Variants in PPP2R5C observed in about 807,000 individuals in gnomAD.
The protein encoded by PPP2R5C is serine/threonine-protein phosphatase 2A 56 kDa regulatory subunit gamma isoform.
Under a neutral mutation model 68.9 loss-of-function variants are expected in PPP2R5C, and 7 were observed. The observed-to-expected ratio is 0.10, with a 90% confidence interval of 0.06 to 0.19. PPP2R5C has a LOEUF of 0.19. Among genes scored for constraint, PPP2R5C ranks in the 10% least tolerant of loss-of-function variants. The pLI is 1.00. For synonymous variants in PPP2R5C, 210 were observed against 222.2 expected, an observed-to-expected ratio of 0.95 and a Z score of 0.49; for missense variants, 348 against 641.3, an observed-to-expected ratio of 0.54 and a Z score of 4.94.
chr14:101,871,249 G>T lies in PPP2R5C; in HGVS notation c.295-10912G>T, dbSNP rs1266163526. ...GGTTTTTGTTGTTGTTGTTGTTGTT[G>T]TTGTTGTTTTGAGACAGAGTCTCGC... On this transcript the variant is annotated intron_variant, in intron 2 of 13. Coordinates refer to ENST00000334743, the Ensembl canonical transcript of PPP2R5C. 2.0e-5 allele frequency among the ~76,000 whole-genome samples: 3 copies of T among 151,586 alleles called. No homozygotes were observed. In the East Asian group the frequency reaches 5.8e-4, roughly 29 times the overall value.
intron 1 of PPP2R5C, among the ~76,000 whole-genome samples, chr14:101,845,080 C>T (rs1215545103): frequency 6.6e-6 from 1 of 151,772 alleles, no homozygotes; most frequent in Non-Finnish European, 1.5e-5. Flanking sequence ...TAATGCTGTG[C>T]TGGATTTATA....
chr14:101,862,166 T>C (rs1241592356), intron 2 of PPP2R5C, among the ~76,000 whole-genome samples: 1 of 152,170 alleles, frequency 6.6e-6, no homozygotes, highest in Non-Finnish European at 1.5e-5. Context: ...TCCACACGCC[T>C]CAGCCTCCCA....
chr14:101,844,471 C>T (rs555000261), intron 1 of PPP2R5C, among the ~76,000 whole-genome samples: 16 of 152,290 alleles, frequency 1.1e-4, no homozygotes, highest in African/African-American at 2.9e-4. Flanking sequence ...CCGCAGGGCC[C>T]GGTAGGTCCT....
intron 2 of PPP2R5C, among the ~76,000 whole-genome samples, chr14:101,874,785 G>A (rs2043649862): frequency 6.6e-6 from 1 of 151,958 alleles, no homozygotes; most frequent in Non-Finnish European, 1.5e-5. Context: ...TGTCGCCCAG[G>A]CTGGAGTGCA....
intron 1 of PPP2R5C, chr14:101,843,770 A>T: frequency 4.5e-6 from 1 of 222,438 alleles, no homozygotes; most frequent in Non-Finnish European, 9.3e-6. Flanking sequence ...TTTTCTGTGG[A>T]ACCTTGCTGC....
chr14:101,842,088 G>T (rs2041511300), intron 1 of PPP2R5C, among the ~76,000 whole-genome samples: 1 of 152,160 alleles, frequency 6.6e-6, no homozygotes, highest in African/African-American at 2.4e-5. Flanking sequence ...AGACTTATGG[G>T]TAGAGAAGGG....
rs548844945 is a variant in PPP2R5C at position 101,818,643 on chromosome 14, A to T, written c.94+8607A>T. ...AGTGAGACTCTGTCTCAAAAAAAAA[A>T]AAAAAAGTGAGCAATATCTGTGGTT... On this transcript the variant is annotated intron_variant, in intron 1 of 13. Transcript: ENST00000334743. The T allele has an allele frequency of 1.7e-3, 323 of 195,160 alleles. 2 individuals carry two copies. The highest frequency in any genetic ancestry group is 2.7e-3 in the Non-Finnish European group (245 of 92,142). 12.1% of individuals were successfully genotyped at this position (195,160 alleles called of 1,614,324 possible).
chr14:101,799,538 A>T (rs958347133), intron 3 of PPP2R5C, among the ~76,000 whole-genome samples: 9 of 152,174 alleles, frequency 5.9e-5, no homozygotes, highest in Non-Finnish European at 1.2e-4. Flanking sequence ...TGAGCAGGTG[A>T]TGAAAACCTG....
upstream of PPP2R5C, among the ~76,000 whole-genome samples, chr14:101,761,058 G>GACGGA (rs2036494396): frequency 7.4e-6 from 1 of 135,430 alleles, no homozygotes; most frequent in Admixed American, 7.1e-5. Flanking sequence ...GAGGGGAGGG[G>GACGGA]AGTGGAGGGA....
chr14:101,812,428 C>T (rs1566859167), intron 1 of PPP2R5C, among the ~76,000 whole-genome samples: 1 of 152,132 alleles, frequency 6.6e-6, no homozygotes, highest in African/African-American at 2.4e-5. Context: ...CTGTCCTTCC[C>T]GTTTATTTAG....
At position 101,781,347 on chromosome 14, in the gene PPP2R5C, C is replaced by T. The variant is rs2037677644; in HGVS notation, c.94-4671C>T. 6.6e-6 allele frequency among the ~76,000 whole-genome samples: 1 copy of T among 152,220 alleles called. No homozygotes were observed. Among genetic ancestry groups the T allele is most frequent in the Admixed American group, 6.5e-5 (1 of 15,292 alleles). On this transcript the variant is annotated intron_variant, in intron 2 of 14. Coordinates refer to the PPP2R5C transcript ENST00000328724. The surrounding 1 kb of genome is among the most constrained non-coding windows in gnomAD (Gnocchi z 6.4). ...TCCGAAGCCTCAACCCGCCCTGCGCCTCCCGGTGGCACAGCGACCTTGGCG... is the reference window on the plus strand; with the variant it reads ...TCCGAAGCCTCAACCCGCCCTGCGCTTCCCGGTGGCACAGCGACCTTGGCG...
intron 1 of PPP2R5C, among the ~76,000 whole-genome samples, chr14:101,852,010 T>A (rs1595375587): frequency 6.6e-6 from 1 of 152,200 alleles, no homozygotes; most frequent in South Asian, 2.1e-4. Flanking sequence ...ATTCGCCGTT[T>A]AGGACTCATT....
chr14:101,794,158 C>T (rs895643637), intron 3 of PPP2R5C, among the ~76,000 whole-genome samples: 1 of 152,222 alleles, frequency 6.6e-6, no homozygotes, highest in Non-Finnish European at 1.5e-5. Context: ...AGGGCCCTCA[C>T]AAGGGACGTG....
At chr14:101,898,917 A>C (rs1256746025) in intron 8 of PPP2R5C, among the ~76,000 whole-genome samples, 1 of 152,200 alleles carries the variant, frequency 6.6e-6, no homozygotes, top group Non-Finnish European at 1.5e-5. Flanking sequence ...GCTTTGGTGC[A>C]GGTGTACATC....
intron 3 of PPP2R5C, among the ~76,000 whole-genome samples, chr14:101,790,404 C>T (rs992073575): frequency 1.3e-5 from 2 of 152,184 alleles, no homozygotes; most frequent in African/African-American, 4.8e-5. Flanking sequence ...TACCTCGTGC[C>T]ATTCACCATT....
intron 3 of PPP2R5C, among the ~76,000 whole-genome samples, chr14:101,789,461 T>A (rs986770153): frequency 2.6e-5 from 4 of 152,244 alleles, no homozygotes; most frequent in Admixed American, 2.6e-4. Flanking sequence ...TTTGGTCAAA[T>A]GCCATATGAT....
intron 2 of PPP2R5C, among the ~76,000 whole-genome samples, chr14:101,875,358 A>G (rs2043697355): frequency 6.6e-6 from 1 of 152,236 alleles, no homozygotes; most frequent in Admixed American, 6.5e-5. Flanking sequence ...CTTGAGATAA[A>G]TATTCCAAAG....
At chr14:101,843,142 C>T (rs894800622) in intron 1 of PPP2R5C, among the ~76,000 whole-genome samples, 2 of 152,062 alleles carry the variant, frequency 1.3e-5, no homozygotes, top group African/African-American at 2.4e-5. Context: ...GTGGGAGGAT[C>T]GCTTGAGCCC....
Position 101,894,490 on chromosome 14 carries a change from C to T in PPP2R5C, c.799-17C>T. On this transcript the variant is annotated splice_polypyrimidine_tract_variant and intron_variant, in intron 7 of 13. Transcript: ENST00000334743. ...TTATGTTGAAATGTTAATGCTCTTT[C>T]TCCTTTTACTTTTTAGCTGGCATAC... 2 of 1,611,910 alleles carry T rather than the reference C, an allele frequency of 1.2e-6. No homozygotes were observed. The highest frequency in any genetic ancestry group is 1.7e-5 in the Admixed American group (1 of 59,976).
Sources: allele counts gnomAD v4.1 joint callset (sites outside exome capture counted in the v4.1 genomes callset), GRCh38; gene constraint gnomAD v4.1.1; non-coding constraint Gnocchi (gnomAD v3.1); transcripts MANE v1.5; gene names NCBI Gene and HGNC (gene_info 2026-07-23, HGNC 2026-07-21).